The following DPYSL5 variants were observed in gnomAD, a reference collection of about 807,000 sequenced individuals.
DPYSL5 encodes the protein dihydropyrimidinase like 5.
DPYSL5 carries 9 observed loss-of-function variants against 58.4 expected under a neutral mutation model. The observed-to-expected ratio is 0.15, with a 90% CI of 0.09 to 0.27. The LOEUF (loss-of-function observed/expected upper bound fraction) is 0.27, where lower values mean the gene tolerates loss of function less well. Among genes scored for constraint, DPYSL5 ranks in the 10% least tolerant of loss-of-function variants. DPYSL5 has a pLI of 1.00. For missense variants in DPYSL5, 499 were observed against 770.6 expected (o/e 0.65, Z 4.17); for synonymous variants, 293 against 301.9 (o/e 0.97, Z 0.31).
At chr2:26,903,398 T>C (rs894413641) in intron 2 of DPYSL5, among the ~76,000 whole-genome samples, 3 of 152,240 alleles carry the variant, frequency 2.0e-5, no homozygotes, top group Non-Finnish European at 2.9e-5. Context: ...GAATTCTTTC[T>C]TGCACAAAAT....
At chr2:26,850,440 C>T (rs976273306) in intron 1 of DPYSL5, among the ~76,000 whole-genome samples, 1 of 152,170 alleles carries the variant, frequency 6.6e-6, no homozygotes, top group Non-Finnish European at 1.5e-5. Flanking sequence ...AAGTGACACC[C>T]AAAGCCAGAA....
intron 1 of DPYSL5, among the ~76,000 whole-genome samples, chr2:26,882,546 C>T (rs1663602319): frequency 6.6e-6 from 1 of 151,962 alleles, no homozygotes; most frequent in Admixed American, 6.5e-5. Context: ...CCTCAGCCTC[C>T]CAAAGTGCTG....
At chr2:26,931,203 G>GTCTATATATATATATATA (rs1474347605) in intron 5 of DPYSL5, among the ~76,000 whole-genome samples, 1 of 44,910 alleles carries the variant, frequency 2.2e-5, no homozygotes, top group Non-Finnish European at 4.3e-5. Context: ...GTGTGTGTGT[G>GTCTATATATATATATATA]TATATATATA....
chr2:26,871,693 G>C (rs555290373), intron 1 of DPYSL5, among the ~76,000 whole-genome samples: 1 of 151,784 alleles, frequency 6.6e-6, no homozygotes, highest in Non-Finnish European at 1.5e-5. Context: ...CACCCGCCTC[G>C]GCCTTCCAAA....
In DPYSL5 at chr2:26,924,986, G is replaced by A. The variant is rs142927203; in HGVS notation, c.361G>A (p.Asp121Asn). Residue 121 changes from aspartate (D) to asparagine (N), a missense_variant, in exon 3 of 13, where the codon GAC becomes AAC. Asp to Asn is a conservative substitution (Grantham distance 23). Transcript: ENST00000288699. The surrounding 1 kb of genome is among the most constrained non-coding windows in gnomAD (Gnocchi z 4.7). ...TTATGAGAAGTGCCGAGGTCTGGCC[G>A]ACCCCAAGGTCTGCTGTGATTACGC... is the stretch of plus-strand genomic sequence containing the variant. ...DAYEKCRGLA[D>N]PKVCCDYALH... 2 of 1,614,176 alleles carry A rather than the reference G, an allele frequency of 1.2e-6. No individual in the cohort carries two copies. The highest frequency in any genetic ancestry group is 1.7e-6 in the Non-Finnish European group (2 of 1,180,016).
chr2:26,869,598 A>G (rs1315678876), intron 1 of DPYSL5, among the ~76,000 whole-genome samples: 1 of 152,218 alleles, frequency 6.6e-6, no homozygotes, highest in Non-Finnish European at 1.5e-5. Context: ...TTGTGAATAG[A>G]ACATTTTTTC....
In DPYSL5 at chr2:26,924,404, A is replaced by G. The variant is rs10196501; in HGVS notation, c.262-483A>G. Among the ~76,000 whole-genome samples the G allele has an allele frequency of 0.34, 52,439 of 152,118 alleles. 10,099 individuals are homozygous for G. The highest frequency in any genetic ancestry group is 0.52 in the Admixed American group (7,987 of 15,278). Reference sequence around the variant, plus strand: ...CAATATATCCAAATTAACATTTTCTATATCGTGGTTCAAATATACGTGTGT... The same window carrying G: ...CAATATATCCAAATTAACATTTTCTGTATCGTGGTTCAAATATACGTGTGT... On this transcript the variant is annotated intron_variant, in intron 2 of 12. Transcript: ENST00000288699. This position sits in a 1 kb window ranked among gnomAD's most constrained non-coding sequence, Gnocchi z 4.7.
intron 1 of DPYSL5, among the ~76,000 whole-genome samples, chr2:26,867,487 G>T (rs1169830032): frequency 4.5e-5 from 6 of 134,600 alleles, no homozygotes; most frequent in Admixed American, 4.2e-4. Flanking sequence ...ACGGAGTCTC[G>T]CTCTGTCGCC....
rs70953831 is a variant in DPYSL5 at position 26,858,170 on chromosome 2, AT to A, written c.-5+9935del. On this transcript the variant is annotated intron_variant, in intron 1 of 12. Transcript: ENST00000288699. ...ACAAGTGAATGAGATCAGACTTAACATTTTTTTTTTTTTTTTTTTGAGACGG... is the reference window on the plus strand; with the variant it reads ...ACAAGTGAATGAGATCAGACTTAACATTTTTTTTTTTTTTTTTTGAGACGG... 2.4e-3 allele frequency among the ~76,000 whole-genome samples: 310 copies of A among 127,082 alleles called. 1 individual carries two copies. Among genetic ancestry groups the A allele is most frequent in the Middle Eastern group, 8.6e-3 (2 of 232 alleles). 83.4% of individuals were successfully genotyped at this position (127,082 alleles called of 152,430 possible). A position where few individuals can be genotyped will look rare whatever the true frequency, so the allele number is the denominator to read the frequency against.
chr2:26,859,662 T>G (rs1303272338), intron 1 of DPYSL5, among the ~76,000 whole-genome samples: 1 of 152,216 alleles, frequency 6.6e-6, no homozygotes, highest in Non-Finnish European at 1.5e-5. Context: ...TTGTGCTGTC[T>G]CAGTGGCAGA....
rs1434145937 is a variant in DPYSL5 at position 26,944,437 on chromosome 2, T to G, written c.1441-219T>G. On this transcript the variant is annotated intron_variant, in intron 11 of 12. Transcript: ENST00000288699. This position sits in a 1 kb window ranked among gnomAD's most constrained non-coding sequence, Gnocchi z 4.4. ...ATGTGCACTCACATACATGCACGCA[T>G]GCACACATGTACACATATGCACATG... Among the ~76,000 whole-genome samples, 2 of 152,164 alleles carry G rather than the reference T, an allele frequency of 1.3e-5. No individual in the cohort carries two copies. The highest frequency in any genetic ancestry group is 2.4e-5 in the African/African-American group (1 of 41,436).
chr2:26,933,377 G>A lies in DPYSL5; in HGVS notation c.790+44G>A. 6.4e-7 allele frequency: 1 copy of A among 1,574,690 alleles called. No homozygotes were observed. The highest frequency in any genetic ancestry group is 8.7e-7 in the Non-Finnish European group (1 of 1,146,010). On this transcript the variant is annotated intron_variant, in intron 7 of 12. Coordinates refer to ENST00000288699, the MANE Select transcript of DPYSL5 (RefSeq NM_020134.4). This position sits in a 1 kb window ranked among gnomAD's most constrained non-coding sequence, Gnocchi z 4.2. ...CTGGACAGAGCAGGTCAAGTGGAGGGACTGGAGATGGATGGGGCCCATTAG... is the reference window on the plus strand; with the variant it reads ...CTGGACAGAGCAGGTCAAGTGGAGGAACTGGAGATGGATGGGGCCCATTAG...
intron 1 of DPYSL5, among the ~76,000 whole-genome samples, chr2:26,887,809 C>T (rs537715985): frequency 6.6e-6 from 1 of 152,198 alleles, no homozygotes; most frequent in Non-Finnish European, 1.5e-5. Context: ...CCCACTTCCA[C>T]CCCAAGTTCT....
At chr2:26,879,630 C>T (rs1203377414) in intron 1 of DPYSL5, among the ~76,000 whole-genome samples, 2 of 152,066 alleles carry the variant, frequency 1.3e-5, no homozygotes, top group South Asian at 2.1e-4. Flanking sequence ...CAGTGATTTC[C>T]GTGTGTGACG....
chr2:26,933,334 G>T lies in DPYSL5; in HGVS notation c.790+1G>T. ...GTTATCGCAGCTGCTAAGATGCAAG[G>T]TGAGTCCATAGACTTGGCTGGACAG... On this transcript the variant is annotated splice_donor_variant, in intron 7 of 12. Coordinates refer to ENST00000288699, the MANE Select transcript of DPYSL5 (RefSeq NM_020134.4). LOFTEE classifies it high-confidence loss of function. This position sits in a 1 kb window ranked among gnomAD's most constrained non-coding sequence, Gnocchi z 4.2. The T allele has an allele frequency of 6.2e-7, 1 of 1,613,936 alleles. No homozygotes were observed.
At chr2:26,912,019 G>C (rs549277487) in intron 2 of DPYSL5, among the ~76,000 whole-genome samples, 1 of 152,352 alleles carries the variant, frequency 6.6e-6, no homozygotes, top group South Asian at 2.1e-4. Flanking sequence ...GTGCGTGGCA[G>C]CACATGGTTC....
intron 1 of DPYSL5, among the ~76,000 whole-genome samples, chr2:26,870,101 G>A (rs1483465958): frequency 6.6e-6 from 1 of 152,194 alleles, no homozygotes; most frequent in Non-Finnish European, 1.5e-5. Flanking sequence ...CTGGCAACTT[G>A]TAAAATTGTT....
chr2:26,919,055 C>T (rs1664644190), intron 2 of DPYSL5, among the ~76,000 whole-genome samples: 2 of 152,154 alleles, frequency 1.3e-5, no homozygotes, highest in African/African-American at 4.8e-5. Context: ...GAGAGTGAAT[C>T]TTCAAAGGTC....
At chr2:26,863,331 TGTGGGACA>T (rs1304008576) in intron 1 of DPYSL5, among the ~76,000 whole-genome samples, 1 of 152,092 alleles carries the variant, frequency 6.6e-6, no homozygotes, top group East Asian at 1.9e-4. Flanking sequence ...TGACCAGGAG[TGTGGGACA>T]GTCTTGACCT....
Sources: allele counts gnomAD v4.1 joint callset (sites outside exome capture counted in the v4.1 genomes callset), GRCh38; gene constraint gnomAD v4.1.1; non-coding constraint Gnocchi (gnomAD v3.1); transcripts MANE v1.5; gene names NCBI Gene and HGNC (gene_info 2026-07-23, HGNC 2026-07-21).